Variants in FAM13B observed in about 807,000 individuals in gnomAD.
The protein encoded by FAM13B is family with sequence similarity 13 member B, also known as protein FAM13B.
In FAM13B, 60 loss-of-function variants were observed where a neutral mutation model predicts 117.3. The observed-to-expected ratio is 0.51, with a 90% confidence interval of 0.42 to 0.63. FAM13B has a LOEUF of 0.63. Among genes scored for constraint, FAM13B ranks in the 30% least tolerant of loss-of-function variants. The probability of loss-of-function intolerance (pLI) is 0.00; values close to 1 mark genes in which losing one functional copy is unlikely to be tolerated. For synonymous variants in FAM13B, 332 were observed against 356.1 expected, an observed-to-expected ratio of 0.93 and a Z score of 0.76; for missense variants, 972 against 1,091.9, an observed-to-expected ratio of 0.89 and a Z score of 1.55.
intron 7 of FAM13B, among the ~76,000 whole-genome samples, chr5:138,005,161 C>T (rs940176682): frequency 3.9e-5 from 6 of 152,070 alleles, no homozygotes; most frequent in Admixed American, 2.6e-4. Context: ...CACTTGAACC[C>T]GGGAGACAGA....
intron 10 of FAM13B, among the ~76,000 whole-genome samples, chr5:137,973,843 C>T (rs550472852): frequency 0.015 from 2,149 of 139,688 alleles, 91 homozygotes; most frequent in Admixed American, 0.093. Flanking sequence ...AGCCAAAAAA[C>T]ACATGAAAAA....
At chr5:137,975,751 A>G (rs550084836) in intron 10 of FAM13B, among the ~76,000 whole-genome samples, 5 of 151,966 alleles carry the variant, frequency 3.3e-5, no homozygotes, top group Non-Finnish European at 4.4e-5. Context: ...CAACTTGCAC[A>G]CTGAATCACC....
Position 137,983,213 on chromosome 5 carries a change from A to AAAAAAAAAAAAAAAAAAAAAAC in FAM13B, c.1179+2043_1179+2044insGTTTTTTTTTTTTTTTTTTTTT, listed in dbSNP as rs1561492748. Among the ~76,000 whole-genome samples the AAAAAAAAAAAAAAAAAAAAAAC allele has an allele frequency of 3.5e-4, 33 of 93,714 alleles. 4 individuals carry two copies. Among genetic ancestry groups the AAAAAAAAAAAAAAAAAAAAAAC allele is most frequent in the Non-Finnish European group, 4.8e-4 (21 of 43,936 alleles). 61.5% of individuals were successfully genotyped at this position (93,714 alleles called of 152,430 possible). On this transcript the variant is annotated intron_variant, in intron 10 of 23. Coordinates refer to ENST00000689681, the MANE Select transcript of FAM13B (RefSeq NM_001385994.1). ...AAAAAAAAAAAAAAAAAAAAAAAAA[A>AAAAAAAAAAAAAAAAAAAAAAC]AACCGAGTGAGATATCCTGAATGCC...
chr5:137,974,663 CAAA>C (rs34041801), intron 10 of FAM13B, among the ~76,000 whole-genome samples: 5 of 120,654 alleles, frequency 4.1e-5, no homozygotes, highest in Admixed American at 8.4e-5. Context: ...AGCATTTCTC[CAAA>C]AAAAAAAAAA....
intron 10 of FAM13B, among the ~76,000 whole-genome samples, chr5:137,965,372 G>A (rs1769392391): frequency 6.6e-6 from 1 of 152,074 alleles, no homozygotes; most frequent in Non-Finnish European, 1.5e-5. Flanking sequence ...AGCAGATACA[G>A]CACAGTCATA....
chr5:137,946,970 T>C (rs1024209995), intron 18 of FAM13B, among the ~76,000 whole-genome samples: 40 of 152,228 alleles, frequency 2.6e-4, no homozygotes, highest in Non-Finnish European at 5.7e-4. Context: ...TTCTTTATAC[T>C]GCAATACTCT....
chr5:137,959,945 T>C (rs1283715875), intron 12 of FAM13B, among the ~76,000 whole-genome samples, 182 bp from the exon 13 acceptor site: 1 of 152,210 alleles, frequency 6.6e-6, no homozygotes, highest in African/African-American at 2.4e-5. Flanking sequence ...GAATATGTCT[T>C]ATTGGAAGAC....
intron 4 of FAM13B, among the ~76,000 whole-genome samples, chr5:138,017,693 T>G (rs1037444541): frequency 6.6e-6 from 1 of 152,194 alleles, no homozygotes; most frequent in African/African-American, 2.4e-5. Flanking sequence ...CCATTATTTT[T>G]CCTGTTCCTG....
At chr5:137,994,234 C>T (rs1003941724) in intron 7 of FAM13B, among the ~76,000 whole-genome samples, 4 of 152,184 alleles carry the variant, frequency 2.6e-5, no homozygotes, top group Non-Finnish European at 4.4e-5. Context: ...AATAAGGAGC[C>T]TCCCACCAGC....
At chr5:137,955,246 A>G (rs1766171649) in intron 14 of FAM13B, among the ~76,000 whole-genome samples, 1 of 152,196 alleles carries the variant, frequency 6.6e-6, no homozygotes, top group Non-Finnish European at 1.5e-5. Flanking sequence ...CACCAAATGG[A>G]GTTCTCTGAC....
intron 10 of FAM13B, 62 bp downstream of exon 10, chr5:137,985,195 T>C: frequency 6.5e-7 from 1 of 1,529,330 alleles, no homozygotes; most frequent in Admixed American, 1.9e-5. Context: ...ACTTCTGGCA[T>C]CAAAGAAACA....
intron 1 of FAM13B, among the ~76,000 whole-genome samples, chr5:138,044,071 G>A (rs1791575563): frequency 6.6e-6 from 1 of 151,670 alleles, no homozygotes; most frequent in African/African-American, 2.4e-5. Flanking sequence ...GGCACATGCT[G>A]TCACACCTAG....
Position 138,030,722 on chromosome 5 carries a change from C to CCA in FAM13B, c.-203+2059_-203+2060insTG, listed in dbSNP as rs1554083174. On this transcript the variant is annotated intron_variant, in intron 1 of 23. Transcript: ENST00000689681. ...AGAATGAAACTCCGTCCCCCCCCCC[C>CCA]AAAAAAAAAAATTGAACGTAAGGCT... 3.9e-4 allele frequency among the ~76,000 whole-genome samples: 52 copies of CCA among 131,922 alleles called. 1 individual carries two copies. Among genetic ancestry groups the CCA allele is most frequent in the Non-Finnish European group, 4.7e-4 (29 of 61,502 alleles). 86.5% of individuals were successfully genotyped at this position (131,922 alleles called of 152,430 possible). A position where few individuals can be genotyped will look rare whatever the true frequency, so the allele number is the denominator to read the frequency against.
At chr5:138,022,649 G>C (rs1787070739) in intron 1 of FAM13B, among the ~76,000 whole-genome samples, 1 of 152,106 alleles carries the variant, frequency 6.6e-6, no homozygotes, top group Non-Finnish European at 1.5e-5. Context: ...TCAGAGATAA[G>C]TTATTTAACA....
chr5:137,995,374 A>T (rs1487797421), intron 7 of FAM13B, among the ~76,000 whole-genome samples: 2 of 152,228 alleles, frequency 1.3e-5, no homozygotes, highest in Non-Finnish European at 2.9e-5. Context: ...TGGAGAAACC[A>T]ATCTGTTTTC....
rs151148910 is a variant in FAM13B at position 137,987,505 on chromosome 5, A to G, written c.1002T>C (p.Asn334=). Residue 334 remains asparagine, a synonymous_variant, in exon 9 of 24, where the codon AAT becomes AAC. Coordinates refer to ENST00000689681, the MANE Select transcript of FAM13B (RefSeq NM_001385994.1). ...NLQQQSVVCN[N]EAESIHCDGE... is the part of the protein sequence containing the mutation. Reference sequence around the variant, plus strand: ...CATCACAATGAATACTTTCTGCTTCATTATTACACACCACACTTTGCTGTT... The same window carrying G: ...CATCACAATGAATACTTTCTGCTTCGTTATTACACACCACACTTTGCTGTT... 1.1e-5 allele frequency: 18 copies of G among 1,613,098 alleles called. No homozygotes were observed. In the African/African-American group the frequency reaches 2.3e-4, roughly 20 times the overall value.
chr5:138,038,084 G>A (rs1392582550), upstream of FAM13B, among the ~76,000 whole-genome samples: 1 of 152,188 alleles, frequency 6.6e-6, no homozygotes, highest in African/African-American at 2.4e-5. Context: ...ACCTGAAAAT[G>A]TCTTGCTTTC....
intron 3 of FAM13B, 97 bp downstream of exon 3, chr5:138,018,858 T>C: frequency 3.1e-6 from 3 of 982,668 alleles, no homozygotes; most frequent in East Asian, 2.5e-5. Context: ...TTTTGGACTT[T>C]CCATATTAAA....
rs1561492748 is a variant in FAM13B at position 137,983,213 on chromosome 5, A to AAAAAAAAAC, written c.1179+2043_1179+2044insGTTTTTTTT. Among the ~76,000 whole-genome samples, 283 of 93,690 alleles carry AAAAAAAAAC rather than the reference A, an allele frequency of 3.0e-3. 33 individuals are homozygous for AAAAAAAAAC. The highest frequency in any genetic ancestry group is 4.2e-3 in the Non-Finnish European group (186 of 43,922). The allele number at this position is 93,690 out of a possible 152,430, so 61.5% of individuals were successfully genotyped here. On this transcript the variant is annotated intron_variant, in intron 10 of 23. Transcript: ENST00000689681. ...AAAAAAAAAAAAAAAAAAAAAAAAA[A>AAAAAAAAAC]AACCGAGTGAGATATCCTGAATGCC...
Sources: gnomAD v4.1 joint callset for allele counts (sites outside exome capture counted in the v4.1 genomes callset) on GRCh38, gnomAD v4.1.1 for gene constraint, MANE v1.5 for transcripts, NCBI Gene and HGNC (gene_info 2026-07-23, HGNC 2026-07-21) for gene names.